The following GAN variants were observed in gnomAD, a reference collection of about 807,000 sequenced individuals.
GAN encodes epididymis secretory sperm binding protein.
Under a neutral mutation model 71.3 loss-of-function variants are expected in GAN, and 48 were observed. The observed-to-expected ratio is 0.67, with a 90% confidence interval of 0.53 to 0.86. The LOEUF (loss-of-function observed/expected upper bound fraction) is 0.86, where lower values mean the gene tolerates loss of function less well. GAN is among the 40% of genes least tolerant of loss of function. The pLI is 0.00. For synonymous variants in GAN, 386 were observed against 276.8 expected, an observed-to-expected ratio of 1.39 and a Z score of -3.92; for missense variants, 928 against 770.1, an observed-to-expected ratio of 1.21 and a Z score of -2.43.
intron 3 of GAN, among the ~76,000 whole-genome samples, chr16:81,355,652 C>G (rs1213932692): frequency 6.6e-6 from 1 of 152,164 alleles, no homozygotes; most frequent in Non-Finnish European, 1.5e-5. Context: ...TGTGAACCAC[C>G]ATGCCCAGCC....
intron 1 of GAN, among the ~76,000 whole-genome samples, chr16:81,330,595 C>A (rs1052607538): frequency 6.6e-6 from 1 of 152,114 alleles, no homozygotes; most frequent in Non-Finnish European, 1.5e-5. Context: ...AATTTCAATT[C>A]GTATATGTAG....
intron 1 of GAN, among the ~76,000 whole-genome samples, chr16:81,322,956 G>T (rs971284350): frequency 1.3e-5 from 2 of 152,112 alleles, no homozygotes; most frequent in Non-Finnish European, 2.9e-5. Context: ...TAAGGACAGC[G>T]GGATTTTGAA....
At chr16:81,362,238 G>A (rs1056992024) in intron 5 of GAN, among the ~76,000 whole-genome samples, 1 of 152,170 alleles carries the variant, frequency 6.6e-6, no homozygotes, top group Non-Finnish European at 1.5e-5. Flanking sequence ...CCTGGTGACT[G>A]AGCGGGTGAC....
chr16:81,375,047 G>T (rs949684947), intron 9 of GAN, among the ~76,000 whole-genome samples: 9 of 152,144 alleles, frequency 5.9e-5, no homozygotes, highest in African/African-American at 2.2e-4. Flanking sequence ...TCGTATTGGG[G>T]TAGGCAAAGA....
At chr16:81,333,035 C>G (rs149178648) in intron 1 of GAN, among the ~76,000 whole-genome samples, 3 of 151,932 alleles carry the variant, frequency 2.0e-5, no homozygotes, top group African/African-American at 7.3e-5. Context: ...GTCAGGAGAT[C>G]GAGATCATCC....
intron 9 of GAN, among the ~76,000 whole-genome samples, chr16:81,367,295 G>C (rs1481357317): frequency 6.6e-6 from 1 of 152,122 alleles, no homozygotes; most frequent in Non-Finnish European, 1.5e-5. Context: ...GGCCGACGCG[G>C]GCAGATCACT....
rs11461340 is a variant in GAN at position 81,385,769 on chromosome 16, C to CT, written c.*8193dup. The CT allele has an allele frequency of 0.25, 31,119 of 124,360 alleles. 4,821 individuals are homozygous for CT. Among genetic ancestry groups the CT allele is most frequent in the Non-Finnish European group, 0.32 (18,939 of 59,530 alleles). The allele number at this position is 124,360 out of a possible 1,614,324, so 7.7% of individuals were successfully genotyped here. The stretch of plus-strand genomic sequence containing the variant: ...ATTAGAAGTTGGTGTTCATAAAATA[C>CT]TTTTTTTTTTTTTTTTTTTTGAGAT... On this transcript the variant is annotated 3_prime_UTR_variant, in exon 11 of 11. Coordinates refer to ENST00000648994, the MANE Select transcript of GAN (RefSeq NM_022041.4).
At chr16:81,349,277 G>A (rs983963298) in intron 1 of GAN, among the ~76,000 whole-genome samples, 6 of 151,704 alleles carry the variant, frequency 4.0e-5, no homozygotes, top group East Asian at 1.9e-4. Context: ...GTTGAGTCTC[G>A]GCTTTGCTTA....
At chr16:81,336,941 CATT>C (rs1418967596) in intron 1 of GAN, among the ~76,000 whole-genome samples, 6 of 152,012 alleles carry the variant, frequency 3.9e-5, no homozygotes, top group Non-Finnish European at 8.8e-5. Flanking sequence ...ATTGGCACAT[CATT>C]GTCACTCAAA....
rs866625516 is a variant in GAN at position 81,377,405 on chromosome 16, T to G, written c.1613-10T>G. 1 of 1,613,318 alleles carries G rather than the reference T, an allele frequency of 6.2e-7. No homozygotes were observed. Among genetic ancestry groups the G allele is most frequent in the Non-Finnish European group, 8.5e-7 (1 of 1,179,304 alleles). Reference sequence around the variant, plus strand: ...ACATTTTCTCACCCTTGCTTATTTCTGTGGCTTAGGTACCAATTACGACTA... The same window carrying G: ...ACATTTTCTCACCCTTGCTTATTTCGGTGGCTTAGGTACCAATTACGACTA... On this transcript the variant is annotated splice_polypyrimidine_tract_variant and intron_variant, in intron 10 of 10. Transcript: ENST00000648994.
intron 7 of GAN, among the ~76,000 whole-genome samples, chr16:81,364,700 T>C (rs1455547327): frequency 2.0e-5 from 3 of 152,106 alleles, no homozygotes; most frequent in Non-Finnish European, 4.4e-5. Flanking sequence ...AATAAATAAA[T>C]AAATAAAAAT....
chr16:81,315,986 G>A (rs1909026745), intron 1 of GAN, among the ~76,000 whole-genome samples: 1 of 152,222 alleles, frequency 6.6e-6, no homozygotes, highest in Non-Finnish European at 1.5e-5. Flanking sequence ...GAATTCTCAG[G>A]ATGCTGTTAC....
intron 7 of GAN, among the ~76,000 whole-genome samples, chr16:81,364,219 C>T (rs1379657645): frequency 1.3e-5 from 2 of 152,154 alleles, no homozygotes; most frequent in Non-Finnish European, 2.9e-5. Flanking sequence ...GCAGCAGCCA[C>T]ATCTTCCCAA....
chr16:81,362,614 A>G lies in GAN; in HGVS notation c.1086+3A>G. 7.3e-7 allele frequency: 1 copy of G among 1,373,414 alleles called. No homozygotes were observed. The highest frequency in any genetic ancestry group is 1.0e-6 in the Non-Finnish European group (1 of 959,850). The allele number at this position is 1,373,414 out of a possible 1,614,324, so 85.1% of individuals were successfully genotyped here. A position where few individuals can be genotyped will look rare whatever the true frequency, so the allele number is the denominator to read the frequency against. On this transcript the variant is annotated splice_donor_region_variant and intron_variant, in intron 6 of 10. Coordinates refer to ENST00000648994, the MANE Select transcript of GAN (RefSeq NM_022041.4). Reference sequence around the variant, plus strand: ...CAGCATTGCCACCTATGAACGAGGTAAAACACTAGTTGGTTGGTTTGTTTG... The same window carrying G: ...CAGCATTGCCACCTATGAACGAGGTGAAACACTAGTTGGTTGGTTTGTTTG...
intron 1 of GAN, among the ~76,000 whole-genome samples, chr16:81,319,708 G>A (rs1294130426): frequency 2.0e-5 from 3 of 151,090 alleles, no homozygotes; most frequent in African/African-American, 4.9e-5. Context: ...GCTTCCCCCC[G>A]ACCCCCCCTT....
chr16:81,373,756 T>C (rs1904274532), intron 9 of GAN, among the ~76,000 whole-genome samples: 1 of 152,344 alleles, frequency 6.6e-6, no homozygotes, highest in Non-Finnish European at 1.5e-5. Flanking sequence ...CTTCATTCTT[T>C]TTTTTGAGAC....
intron 9 of GAN, among the ~76,000 whole-genome samples, chr16:81,371,579 G>A (rs1320242450): frequency 1.3e-5 from 2 of 152,122 alleles, no homozygotes; most frequent in Non-Finnish European, 2.9e-5. Flanking sequence ...GATGGTTCCA[G>A]GGTTAGTTGA....
chr16:81,332,171 A>AAAAAAG (rs1176448735), intron 1 of GAN, among the ~76,000 whole-genome samples: 1 of 151,964 alleles, frequency 6.6e-6, no homozygotes. Context: ...CAAAAAAAAA[A>AAAAAAG]AAAAAGAAAA....
At chr16:81,332,275 T>A (rs1419179707) in intron 1 of GAN, among the ~76,000 whole-genome samples, 1 of 152,166 alleles carries the variant, frequency 6.6e-6, no homozygotes, top group African/African-American at 2.4e-5. Context: ...GCAGGTCATT[T>A]CAGCAAGCTA....
Sources: allele counts gnomAD v4.1 joint callset (sites outside exome capture counted in the v4.1 genomes callset), GRCh38; gene constraint gnomAD v4.1.1; transcripts MANE v1.5; gene names NCBI Gene and HGNC (gene_info 2026-07-23, HGNC 2026-07-21).